Variants in SLC4A1 observed in about 807,000 individuals in gnomAD.
SLC4A1 encodes solute carrier family 4 member 1 (Diego blood group).
In SLC4A1, 29 loss-of-function variants were observed where a neutral mutation model predicts 93.1. That is an observed-to-expected ratio of 0.31 (90% confidence interval 0.23 to 0.42). The LOEUF (loss-of-function observed/expected upper bound fraction) is 0.42, where lower values mean the gene tolerates loss of function less well. Among genes scored for constraint, SLC4A1 ranks in the 20% least tolerant of loss-of-function variants. The pLI, the probability that SLC4A1 is intolerant of heterozygous loss-of-function variation, is 1.00. For synonymous variants in SLC4A1, 469 were observed against 497.2 expected (o/e 0.94, Z 0.76); for missense variants, 965 against 1,190.1 (o/e 0.81, Z 2.78).
At chr17:44,253,040 C>G in intron 17 of SLC4A1, 78 bp downstream of exon 17, 1 of 1,518,004 alleles carries the variant, frequency 6.6e-7, no homozygotes, top group Admixed American at 1.7e-5. Context: ...GTGCTGGGTC[C>G]GAACAGAAAG....
Position 44,255,197 on chromosome 17 carries a change from G to T in SLC4A1, c.1890+10C>A. 2 of 1,547,414 alleles carry T rather than the reference G, an allele frequency of 1.3e-6. No individual in the cohort carries two copies. Among genetic ancestry groups the T allele is most frequent in the East Asian group, 2.4e-5 (1 of 41,434 alleles). On this transcript the variant is annotated intron_variant, in intron 15 of 19. Transcript: ENST00000262418. ...GGTATCATGGTCTGAGGGCTGGGAG[G>T]AGGGGTCACCTGGGTGTAGGTATCC...
At position 44,259,854 on chromosome 17, in the gene SLC4A1, C is replaced by CGCT. The variant is rs757788769; in HGVS notation, c.563_564insAGC (p.Leu188_Leu189insAla). 7 of 1,614,010 alleles carry CGCT rather than the reference C, an allele frequency of 4.3e-6. No individual in the cohort carries two copies. Among genetic ancestry groups the CGCT allele is most frequent in the Middle Eastern group, 1.6e-4 (1 of 6,062 alleles). On this transcript the variant is annotated inframe_insertion, in exon 7 of 20. Coordinates refer to ENST00000262418, the MANE Select transcript of SLC4A1 (RefSeq NM_000342.4). ...TCTCCAGTGAGGAGTGTTGGGGGAG[C>CGCT]AGAGGCTGTGAAGGATCCCCAGAGC...
chr17:44,250,676 C>T, intron 19 of SLC4A1, 138 bp from the exon 20 acceptor site: 1 of 704,548 alleles, frequency 1.4e-6, no homozygotes, highest in Non-Finnish European at 2.5e-6. Context: ...TTTTATCTCC[C>T]CAGCAGCTAG....
Position 44,250,437 on chromosome 17 carries a change from T to A in SLC4A1, c.*21A>T. On this transcript the variant is annotated 3_prime_UTR_variant, in exon 20 of 20. Transcript: ENST00000262418. ...GGGGATGTGGAATGGTGGGGGAGGG[T>A]CTAGGGCCTGGGCCCGCCCCTCACA... is the stretch of plus-strand genomic sequence containing the variant. The A allele has an allele frequency of 1.3e-6, 2 of 1,586,868 alleles. No individual in the cohort carries two copies. The highest frequency in any genetic ancestry group is 1.7e-6 in the Non-Finnish European group (2 of 1,155,902).
At chr17:44,261,788 C>T in intron 3 of SLC4A1, 152 bp from the exon 4 acceptor site, 1 of 1,431,246 alleles carries the variant, frequency 7.0e-7, no homozygotes. Context: ...CCCACACTGG[C>T]CACTCAGCAG....
chr17:44,251,636 A>T (rs13306780), intron 17 of SLC4A1, 48 bp from the exon 18 acceptor site: 2 of 1,603,672 alleles, frequency 1.2e-6, no homozygotes, highest in South Asian at 1.1e-5. Flanking sequence ...GAGGCCTGGC[A>T]CCAGTGGGGG....
intron 1 of SLC4A1, 148 bp from the exon 2 acceptor site, chr17:44,263,082 C>T (rs970835879): frequency 1.1e-4 from 77 of 701,656 alleles, no homozygotes; most frequent in South Asian, 9.9e-5. Flanking sequence ...AAAGGGAGAA[C>T]GAGCTGGATT....
Position 44,259,211 on chromosome 17 carries a change from G to A in SLC4A1, c.828C>T (p.Ile276=), listed in dbSNP as rs111277954. 2.5e-6 allele frequency: 4 copies of A among 1,614,044 alleles called. No individual in the cohort carries two copies. Among genetic ancestry groups the A allele is most frequent in the Non-Finnish European group, 3.4e-6 (4 of 1,180,036 alleles). ...FVLLGPEAPH[I]DYTQLGRAAA... ...CAGCCCGGCCAAGCTGGGTGTAATCGATGTGGGGGGCCTCAGGTCCCAGCA... is the reference window on the plus strand; with the variant it reads ...CAGCCCGGCCAAGCTGGGTGTAATCAATGTGGGGGGCCTCAGGTCCCAGCA... Residue 276 remains isoleucine, a synonymous_variant, in exon 9 of 20, where the codon ATC becomes ATT. Transcript: ENST00000262418.
At position 44,258,881 on chromosome 17, in the gene SLC4A1, G is replaced by A. The variant is rs1055112594; in HGVS notation, c.877-258C>T. 2.6e-4 allele frequency among the ~76,000 whole-genome samples: 39 copies of A among 152,142 alleles called. No homozygotes were observed. Among genetic ancestry groups the A allele is most frequent in the African/African-American group, 9.4e-4 (39 of 41,408 alleles). ...GTTAAGCAGACTAGATGAAACTAGA[G>A]CTGACTAGGCCCGACCAAGCCTGAC... is the stretch of plus-strand genomic sequence containing the variant. On this transcript the variant is annotated intron_variant, in intron 9 of 19. Transcript: ENST00000262418. This position sits in a 1 kb window ranked among gnomAD's most constrained non-coding sequence, Gnocchi z 6.1.
rs1598293905 is a variant in SLC4A1, at chr17:44,248,824, G to T, written c.*1634C>A. 3 of 186,030 alleles carry T rather than the reference G, an allele frequency of 1.6e-5. No homozygotes were observed. The highest frequency in any genetic ancestry group is 3.2e-5 in the Non-Finnish European group (3 of 95,170). 11.5% of individuals were successfully genotyped at this position (186,030 alleles called of 1,614,324 possible). The stretch of plus-strand genomic sequence containing the variant: ...ACCACACACACATGTTGAGTCTGTG[G>T]CCCCCAAGGCTGATGTTTCCTTCCG... On this transcript the variant is annotated 3_prime_UTR_variant, in exon 20 of 20. Coordinates refer to ENST00000262418, the MANE Select transcript of SLC4A1 (RefSeq NM_000342.4).
intron 17 of SLC4A1, 56 bp downstream of exon 17, chr17:44,253,062 G>T (rs530160184): frequency 6.3e-7 from 1 of 1,590,344 alleles, no homozygotes; most frequent in Admixed American, 1.7e-5. Flanking sequence ...GGAAGGGGAA[G>T]GGGCCGGGGG....
chr17:44,253,492 G>T, intron 16 of SLC4A1, 121 bp from the exon 17 acceptor site: 2 of 1,288,338 alleles, frequency 1.6e-6, no homozygotes, highest in Non-Finnish European at 2.1e-6. Context: ...CTCGCTCTTT[G>T]AGTTCCTTGC....
At chr17:44,260,195 G>T (rs1480236924) in intron 6 of SLC4A1, among the ~76,000 whole-genome samples, 3 of 152,190 alleles carry the variant, frequency 2.0e-5, no homozygotes, top group African/African-American at 7.2e-5. Flanking sequence ...TTGCAGGTCT[G>T]CCCTCCTGGG....
At position 44,260,400 on chromosome 17, in the gene SLC4A1, G is replaced by T. The variant is rs762226758; in HGVS notation, c.485+4C>A. On this transcript the variant is annotated splice_donor_region_variant and intron_variant, in intron 6 of 19. Coordinates refer to ENST00000262418, the MANE Select transcript of SLC4A1 (RefSeq NM_000342.4). ...GGAATCCAGGCCCTGGCAGGCAGGG[G>T]CACCTGTGTTTAAGCAGCAGGGCCC... is the stretch of plus-strand genomic sequence containing the variant. 52 of 1,610,954 alleles carry T rather than the reference G, an allele frequency of 3.2e-5. No homozygotes were observed. The highest frequency in any genetic ancestry group is 4.2e-5 in the Non-Finnish European group (49 of 1,178,800).
At chr17:44,256,804 G>A (rs905041915) in intron 13 of SLC4A1, among the ~76,000 whole-genome samples, 5 of 152,234 alleles carry the variant, frequency 3.3e-5, no homozygotes, top group African/African-American at 1.2e-4. Context: ...CAACACATAT[G>A]TGGTCACAGT....
intron 13 of SLC4A1, 152 bp from the exon 14 acceptor site, chr17:44,255,998 C>A: frequency 1.3e-6 from 1 of 784,840 alleles, no homozygotes; most frequent in Non-Finnish European, 2.2e-6. Flanking sequence ...CATCATTCAT[C>A]TATCCATTAT....
rs1176585302 is a variant in SLC4A1, at chr17:44,260,389, G to A, written c.485+15C>T. On this transcript the variant is annotated intron_variant, in intron 6 of 19. Coordinates refer to ENST00000262418, the MANE Select transcript of SLC4A1 (RefSeq NM_000342.4). ...CCACTGGATATGGAATCCAGGCCCT[G>A]GCAGGCAGGGGCACCTGTGTTTAAG... The A allele has an allele frequency of 2.5e-6, 4 of 1,608,656 alleles. No individual in the cohort carries two copies. In the South Asian group the frequency reaches 3.3e-5, roughly 13 times the overall value.
chr17:44,253,678 T>C (rs923323700), intron 16 of SLC4A1, among the ~76,000 whole-genome samples: 1 of 152,058 alleles, frequency 6.6e-6, no homozygotes, highest in African/African-American at 2.4e-5. Context: ...TTTTTTTTTC[T>C]TTTTCTTTTT....
At chr17:44,262,522 C>T (rs575776006) in intron 3 of SLC4A1, 114 bp downstream of exon 3, 166 of 747,478 alleles carry the variant, frequency 2.2e-4, no homozygotes, top group African/African-American at 4.2e-4. Context: ...GAGGGGAGAA[C>T]GGCCCGTGGT....
Sources: gnomAD v4.1 joint callset for allele counts (sites outside exome capture counted in the v4.1 genomes callset) on GRCh38, gnomAD v4.1.1 for gene constraint, Gnocchi (gnomAD v3.1) non-coding constraint, MANE v1.5 for transcripts, NCBI Gene and HGNC (gene_info 2026-07-23, HGNC 2026-07-21) for gene names.